TPX2: variants seen among roughly 807,000 people sequenced by gnomAD.
The protein encoded by TPX2 is TPX2 microtubule nucleation factor.
In TPX2, 21 loss-of-function variants were observed where a neutral mutation model predicts 93.6. The observed-to-expected ratio is 0.22, with a 90% CI of 0.16 to 0.32. The LOEUF (loss-of-function observed/expected upper bound fraction) is 0.32, where lower values mean the gene tolerates loss of function less well. Among genes scored for constraint, TPX2 ranks in the 10% least tolerant of loss-of-function variants. The probability of loss-of-function intolerance (pLI) is 1.00; values close to 1 mark genes in which losing one functional copy is unlikely to be tolerated. For synonymous variants in TPX2, 281 were observed against 298.3 expected, an observed-to-expected ratio of 0.94 and a Z score of 0.60; for missense variants, 776 against 871.1, an observed-to-expected ratio of 0.89 and a Z score of 1.37.
intron 2 of TPX2, 87 bp downstream of exon 2, chr20:31,742,734 C>T (rs568276721): frequency 2.0e-4 from 31 of 152,248 alleles, no homozygotes; most frequent in African/African-American, 7.0e-4. Context: ...TAAAGTAACA[C>T]ATATTTTGGA....
At chr20:31,764,050 C>G (rs901019985) in intron 4 of TPX2, among the ~76,000 whole-genome samples, 4 of 151,686 alleles carry the variant, frequency 2.6e-5, no homozygotes, top group Admixed American at 1.3e-4. Flanking sequence ...TATATATACA[C>G]ACACACATAC....
intron 17 of TPX2, among the ~76,000 whole-genome samples, chr20:31,800,565 T>C (rs1024046586): frequency 2.0e-5 from 3 of 152,224 alleles, no homozygotes; most frequent in African/African-American, 7.2e-5. Flanking sequence ...GATTCAGGCT[T>C]TTGGTGAATA....
chr20:31,794,755 AGTGTGTGTGT>A (rs35018680), intron 15 of TPX2, among the ~76,000 whole-genome samples: 34 of 145,496 alleles, frequency 2.3e-4, no homozygotes, highest in South Asian at 4.5e-4. Context: ...TCTGTCGCAT[AGTGTGTGTGT>A]GTGTGTGTGT....
intron 9 of TPX2, 142 bp downstream of exon 9, chr20:31,777,780 C>CAT: frequency 3.1e-6 from 2 of 654,782 alleles, no homozygotes; most frequent in Non-Finnish European, 4.4e-6. Context: ...TATAACAGAT[C>CAT]TTTTTTTTTT....
At chr20:31,740,640 A>G (rs1278053074) in intron 1 of TPX2, among the ~76,000 whole-genome samples, 1 of 152,206 alleles carries the variant, frequency 6.6e-6, no homozygotes, top group Non-Finnish European at 1.5e-5. Context: ...ATGTTTGGGG[A>G]CAAAAACATG....
chr20:31,750,864 T>C (rs138937258), intron 2 of TPX2, among the ~76,000 whole-genome samples: 1 of 152,202 alleles, frequency 6.6e-6, no homozygotes, highest in African/African-American at 2.4e-5. Context: ...GCTGCAAACA[T>C]AGATCTAGGG....
intron 12 of TPX2, among the ~76,000 whole-genome samples, chr20:31,786,407 T>TTTTTTTTGTTTTG (rs1449170717): frequency 3.6e-4 from 51 of 142,498 alleles, no homozygotes; most frequent in African/African-American, 1.4e-3. Flanking sequence ...ACTGTTTTTT[T>TTTTTTTTGTTTTG]TTTTTTTTGA....
chr20:31,800,028 C>G (rs370417783), intron 17 of TPX2, among the ~76,000 whole-genome samples: 1 of 151,876 alleles, frequency 6.6e-6, no homozygotes, highest in Non-Finnish European at 1.5e-5. Context: ...GGGAGGATTG[C>G]GTGAGCCCAG....
chr20:31,766,459 G>GTGTT, intron 4 of TPX2, 97 bp from the exon 5 acceptor site: 1 of 883,038 alleles, frequency 1.1e-6, no homozygotes, highest in South Asian at 1.9e-5. Flanking sequence ...GACAGGGTGT[G>GTGTT]TGTGTGTGTG....
intron 17 of TPX2, 124 bp downstream of exon 17, chr20:31,798,676 A>T: frequency 1.7e-6 from 2 of 1,197,898 alleles, no homozygotes; most frequent in South Asian, 3.3e-5. Context: ...AATGAGTGAA[A>T]GGGGGAATTG....
chr20:31,771,248 A>C (rs564913683), intron 6 of TPX2, among the ~76,000 whole-genome samples: 10 of 152,274 alleles, frequency 6.6e-5, no homozygotes, highest in African/African-American at 1.9e-4. Flanking sequence ...AAAGAGACAG[A>C]ATAGATATTG....
At position 31,769,675 on chromosome 20, in the gene TPX2, T is replaced by C. The variant is rs567644788; in HGVS notation, c.357-668T>C. Among the ~76,000 whole-genome samples, 241 of 152,298 alleles carry C rather than the reference T, an allele frequency of 1.6e-3. 2 individuals are homozygous for C. The highest frequency in any genetic ancestry group is 5.5e-3 in the African/African-American group (229 of 41,556). On this transcript the variant is annotated intron_variant, in intron 5 of 17. Coordinates refer to ENST00000300403, the MANE Select transcript of TPX2 (RefSeq NM_012112.5). The stretch of plus-strand genomic sequence containing the variant: ...GGTAGCAGTGGTTGTCAGTGTTCTG[T>C]ATTTTGGCCTAGGTGGTGATTTCAT...
At chr20:31,766,794 A>AT in intron 5 of TPX2, 112 bp downstream of exon 5, 2 of 795,818 alleles carry the variant, frequency 2.5e-6, no homozygotes, top group South Asian at 5.2e-5. Flanking sequence ...CCTTTATGTT[A>AT]CTTTTTTTTT....
chr20:31,798,359 A>G lies in TPX2; in HGVS notation c.1946-6A>G. Reference sequence around the variant, plus strand: ...GCACCAATATTTTTTCTGTTTCTGTACTTAGAGGGCCTTTCTGGTTCTCTA... The same window carrying G: ...GCACCAATATTTTTTCTGTTTCTGTGCTTAGAGGGCCTTTCTGGTTCTCTA... On this transcript the variant is annotated splice_region_variant and splice_polypyrimidine_tract_variant and intron_variant, in intron 16 of 17. Transcript: ENST00000300403. The G allele has an allele frequency of 6.2e-7, 1 of 1,613,864 alleles. No homozygotes were observed. The highest frequency in any genetic ancestry group is 8.5e-7 in the Non-Finnish European group (1 of 1,179,990).
intron 2 of TPX2, among the ~76,000 whole-genome samples, chr20:31,756,094 TA>T (rs2122975870): frequency 6.6e-6 from 1 of 152,374 alleles, no homozygotes; most frequent in South Asian, 2.1e-4. Context: ...AGACAACTTA[TA>T]TTTGACAAAA....
intron 2 of TPX2, among the ~76,000 whole-genome samples, chr20:31,744,452 C>T (rs1026839015): frequency 2.6e-5 from 4 of 152,118 alleles, no homozygotes; most frequent in Admixed American, 6.6e-5. Context: ...CCACCACGCC[C>T]GGCCTCTAAT....
intron 2 of TPX2, among the ~76,000 whole-genome samples, chr20:31,747,993 C>T (rs774231968): frequency 1.3e-5 from 2 of 151,854 alleles, no homozygotes; most frequent in South Asian, 2.1e-4. Flanking sequence ...GTCGTGAAAC[C>T]GAAATTACCC....
Position 31,801,366 on chromosome 20 carries a change from ACT to A in TPX2, c.*289_*290del. On this transcript the variant is annotated 3_prime_UTR_variant, in exon 18 of 18. Transcript: ENST00000300403. ...CAGCCGGCCTTTTATATGGGTCTTC[ACT>A]CTGACTAGAATTTAGTCTCTGTGTC... 3.1e-6 allele frequency: 1 copy of A among 321,518 alleles called. No individual in the cohort carries two copies. The highest frequency in any genetic ancestry group is 5.1e-5 in the South Asian group (1 of 19,524). 19.9% of individuals were successfully genotyped at this position (321,518 alleles called of 1,614,324 possible).
In TPX2 at chr20:31,783,701, A is replaced by G. The variant is rs200211921; in HGVS notation, c.1197-4A>G. On this transcript the variant is annotated splice_region_variant and splice_polypyrimidine_tract_variant and intron_variant, in intron 11 of 17. Coordinates refer to ENST00000300403, the MANE Select transcript of TPX2 (RefSeq NM_012112.5). ...TTGTGGTTATTTAAATTTTCACCTTACAGATACAAATTCAAAGCACGTGAA... is the reference window on the plus strand; with the variant it reads ...TTGTGGTTATTTAAATTTTCACCTTGCAGATACAAATTCAAAGCACGTGAA... 6.8e-5 allele frequency: 108 copies of G among 1,588,350 alleles called. No homozygotes were observed. The highest frequency in any genetic ancestry group is 8.7e-5 in the Non-Finnish European group (102 of 1,174,176).
Sources: allele counts gnomAD v4.1 joint callset (sites outside exome capture counted in the v4.1 genomes callset), GRCh38; gene constraint gnomAD v4.1.1; transcripts MANE v1.5; gene names NCBI Gene and HGNC (gene_info 2026-07-23, HGNC 2026-07-21).